Variants in ADGB observed in about 807,000 individuals in gnomAD.
ADGB encodes androglobin, also known as calpain-7-like protein.
In ADGB, 172 loss-of-function variants were observed where a neutral mutation model predicts 210.5. The ratio of observed to expected loss-of-function variants is 0.82; its 90% CI spans 0.72 to 0.93. The LOEUF (loss-of-function observed/expected upper bound fraction) is 0.93. Among genes scored for constraint, ADGB ranks in the 40% least tolerant of loss-of-function variants. The pLI is 0.00. For missense variants in ADGB, 2,025 were observed against 1,964.8 expected (o/e 1.03, Z -0.58); for synonymous variants, 658 against 662.7 (o/e 0.99, Z 0.11).
chr6:146,747,703 T>G (rs1404086405), intron 26 of ADGB, among the ~76,000 whole-genome samples: 2 of 151,882 alleles, frequency 1.3e-5, no homozygotes, highest in East Asian at 3.9e-4. Context: ...ATTATCAGAC[T>G]TGTGTTAAAA....
intron 28 of ADGB, among the ~76,000 whole-genome samples, chr6:146,766,636 CA>C (rs1488662374): frequency 1.3e-5 from 2 of 151,704 alleles, no homozygotes; most frequent in African/African-American, 4.8e-5. Flanking sequence ...CTTCCCTTTC[CA>C]AAAAACCATA....
At chr6:146,621,306 A>G (rs993242651) in intron 1 of ADGB, among the ~76,000 whole-genome samples, 1 of 151,962 alleles carries the variant, frequency 6.6e-6, no homozygotes, top group African/African-American at 2.4e-5. Flanking sequence ...TGGCACCCCC[A>G]CTGACTGGAG....
chr6:146,637,022 C>G (rs1008453998), intron 2 of ADGB, among the ~76,000 whole-genome samples: 1 of 151,764 alleles, frequency 6.6e-6, no homozygotes. Context: ...ACGGGTGAAT[C>G]AAATTGTGAA....
chr6:146,614,203 TCCTC>T lies in ADGB; in HGVS notation c.74+15093_74+15096del, dbSNP rs1328409240. On this transcript the variant is annotated intron_variant, in intron 1 of 35. Transcript: ENST00000397944. ...TCCCTCCCTCCCTCCCTCCCTCCCT[TCCTC>T]CCTTCCTTCCTCCCTTCCTTCCTTC... 3.1e-3 allele frequency among the ~76,000 whole-genome samples: 291 copies of T among 92,966 alleles called. 1 individual carries two copies. The highest frequency in any genetic ancestry group is 0.011 in the African/African-American group (267 of 24,188). 61.0% of individuals were successfully genotyped at this position (92,966 alleles called of 152,430 possible).
chr6:146,803,314 G>C, intron 35 of ADGB: 1 of 1,607,972 alleles, frequency 6.2e-7, no homozygotes, highest in South Asian at 1.1e-5. Context: ...CTTTCTGTCT[G>C]TGAAGAACCA....
chr6:146,813,052 T>G (rs1419602504), intron 35 of ADGB, among the ~76,000 whole-genome samples: 1 of 152,212 alleles, frequency 6.6e-6, no homozygotes. Flanking sequence ...AAATATGGCC[T>G]GATTTCCCAA....
At chr6:146,776,911 T>C (rs911519283) in intron 29 of ADGB, among the ~76,000 whole-genome samples, 2 of 151,960 alleles carry the variant, frequency 1.3e-5, no homozygotes, top group Non-Finnish European at 2.9e-5. Flanking sequence ...AGTTAACCTA[T>C]TTAGCAGCTG....
chr6:146,747,722 G>A (rs545013106), intron 26 of ADGB, among the ~76,000 whole-genome samples: 23 of 150,996 alleles, frequency 1.5e-4, no homozygotes, highest in South Asian at 6.3e-4. Flanking sequence ...AAATTATGTC[G>A]CATAGCATGA....
intron 4 of ADGB, among the ~76,000 whole-genome samples, chr6:146,656,396 T>C (rs75633988): frequency 0.014 from 2,151 of 152,342 alleles, 44 homozygotes; most frequent in African/African-American, 0.047. Context: ...ATCTAACATT[T>C]ACAAAAGAGT....
Position 146,763,957 on chromosome 6 carries a change from G to C in ADGB, c.3607G>C (p.Val1203Leu). The C allele has an allele frequency of 1.3e-6, 2 of 1,551,522 alleles. No individual in the cohort carries two copies. Among genetic ancestry groups the C allele is most frequent in the Non-Finnish European group, 1.7e-6 (2 of 1,146,884 alleles). ...SASKKEQEVY[V>L]KKKAAQGIQK... ...ATCCAAGAAAGAGCAAGAAGTGTATGTTAAGAAGAAAGCTGCTCAGGGAAT... is the reference window on the plus strand; with the variant it reads ...ATCCAAGAAAGAGCAAGAAGTGTATCTTAAGAAGAAAGCTGCTCAGGGAAT... Residue 1203 changes from valine to leucine, a missense_variant, in exon 28 of 36, where the codon GTT becomes CTT. Val to Leu is a conservative substitution (Grantham distance 32, BLOSUM62 1). Coordinates refer to ENST00000397944, the MANE Select transcript of ADGB (RefSeq NM_024694.4).
chr6:146,672,727 CT>C (rs58547170), intron 8 of ADGB, among the ~76,000 whole-genome samples: 1,635 of 142,776 alleles, frequency 0.011, 24 homozygotes, highest in African/African-American at 0.037. Flanking sequence ...GTTTTTCTTT[CT>C]TTTTTTTTTT....
At chr6:146,787,627 CAA>C (rs1777892428) in intron 32 of ADGB, among the ~76,000 whole-genome samples, 1 of 150,420 alleles carries the variant, frequency 6.6e-6, no homozygotes, top group Non-Finnish European at 1.5e-5. Context: ...CCTCTTATTT[CAA>C]CATTTCTTCA....
chr6:146,783,585 TG>T (rs1484961597), intron 30 of ADGB, among the ~76,000 whole-genome samples: 1 of 152,200 alleles, frequency 6.6e-6, no homozygotes, highest in East Asian at 1.9e-4. Flanking sequence ...AATTTCCAAT[TG>T]TGAAAGTCAA....
At chr6:146,792,740 A>G (rs1470577739) in intron 33 of ADGB, among the ~76,000 whole-genome samples, 1 of 152,190 alleles carries the variant, frequency 6.6e-6, no homozygotes, top group Non-Finnish European at 1.5e-5. Context: ...GGGAGGAAAG[A>G]TAAAAGTCAG....
At chr6:146,632,425 C>G (rs534067282) in intron 1 of ADGB, among the ~76,000 whole-genome samples, 61 of 152,246 alleles carry the variant, frequency 4.0e-4, no homozygotes, top group African/African-American at 1.5e-3. Context: ...GATAATCTCC[C>G]CATCTCAAGA....
intron 12 of ADGB, among the ~76,000 whole-genome samples, chr6:146,697,199 T>C (rs190106399): frequency 6.6e-6 from 1 of 152,258 alleles, no homozygotes; most frequent in Non-Finnish European, 1.5e-5. Context: ...TAAAGCTGGG[T>C]CTGAAGTTTT....
At position 146,802,725 on chromosome 6, in the gene ADGB, AC is replaced by A. The variant is rs1017126778; in HGVS notation, c.4818+715del. On this transcript the variant is annotated intron_variant, in intron 35 of 35. Transcript: ENST00000397944. The stretch of plus-strand genomic sequence containing the variant: ...CCACAGTTCACAGTTCTCAGACGAG[AC>A]TTTTTTTGTAAATTACACAGTTCAG... The A allele has an allele frequency of 8.1e-5, 116 of 1,425,420 alleles. 2 individuals carry two copies. The Admixed American group carries it at 1.7e-3, about 21-fold the overall frequency. The allele number at this position is 1,425,420 out of a possible 1,614,324, so 88.3% of individuals were successfully genotyped here.
intron 27 of ADGB, among the ~76,000 whole-genome samples, chr6:146,756,131 G>A (rs1263316916): frequency 3.9e-5 from 6 of 152,008 alleles, no homozygotes; most frequent in African/African-American, 1.4e-4. Context: ...ATCTTACACA[G>A]GCTTCAGTAG....
At chr6:146,788,003 C>T (rs1196165568) in intron 32 of ADGB, among the ~76,000 whole-genome samples, 3 of 152,140 alleles carry the variant, frequency 2.0e-5, no homozygotes, top group South Asian at 4.1e-4. Context: ...TAAATGTCTG[C>T]ATACAGGGAT....
Sources: gnomAD v4.1 joint callset for allele counts (sites outside exome capture counted in the v4.1 genomes callset) on GRCh38, gnomAD v4.1.1 for gene constraint, MANE v1.5 for transcripts, NCBI Gene and HGNC (gene_info 2026-07-23, HGNC 2026-07-21) for gene names.